Variants in SLC2A9 observed in about 807,000 individuals in gnomAD.
SLC2A9 encodes the protein solute carrier family 2 member 9.
Under a neutral mutation model 50.6 loss-of-function variants are expected in SLC2A9, and 39 were observed. That is an observed-to-expected ratio of 0.77 (90% CI 0.60 to 1.01). The LOEUF is 1.01. Ranked by LOEUF, SLC2A9 falls within the 50% of genes least tolerant of loss-of-function variation. The pLI is 0.00. For synonymous variants in SLC2A9, 324 were observed against 276.9 expected (o/e 1.17, Z -1.69); for missense variants, 686 against 677.6 (o/e 1.01, Z -0.14).
rs370882971 is a variant in SLC2A9, at chr4:9,905,176, G to T, written c.1113+3059C>A. On this transcript the variant is annotated intron_variant, in intron 8 of 11. Transcript: ENST00000264784. ...CTGTGGAATGGATGAATGCATGCCT[G>T]CATGAAAGAATCCACCACCCAAGCT... is the stretch of plus-strand genomic sequence containing the variant. 2.0e-4 allele frequency among the ~76,000 whole-genome samples: 30 copies of T among 152,374 alleles called. No homozygotes were observed. In the South Asian group the frequency reaches 6.2e-3, roughly 32 times the overall value.
intron 10 of SLC2A9, among the ~76,000 whole-genome samples, chr4:9,849,531 G>A (rs1404420411): frequency 6.6e-6 from 1 of 152,142 alleles, no homozygotes; most frequent in Admixed American, 6.5e-5. Flanking sequence ...TTCTTCCAGT[G>A]GGATTTAAAA....
chr4:9,874,816 G>T (rs1161178253), intron 10 of SLC2A9, among the ~76,000 whole-genome samples: 1 of 152,186 alleles, frequency 6.6e-6, no homozygotes, highest in Non-Finnish European at 1.5e-5. Flanking sequence ...AATGTGGGAC[G>T]CTGTGTCTTT....
chr4:9,950,195 C>T (rs11723439), intron 5 of SLC2A9, among the ~76,000 whole-genome samples: 25,178 of 152,168 alleles, frequency 0.17, 2,336 homozygotes, highest in Admixed American at 0.23. Context: ...ATTTTTGGTG[C>T]GCATTCATGC....
At chr4:9,827,411 T>C (rs747927189) in intron 11 of SLC2A9, among the ~76,000 whole-genome samples, 17 of 152,246 alleles carry the variant, frequency 1.1e-4, no homozygotes, top group Non-Finnish European at 1.8e-4. Flanking sequence ...GCTGTCAGGA[T>C]TGTGACTATT....
At chr4:9,983,977 C>T (rs1756305500) in intron 4 of SLC2A9, among the ~76,000 whole-genome samples, 1 of 152,166 alleles carries the variant, frequency 6.6e-6, no homozygotes, top group Non-Finnish European at 1.5e-5. Context: ...CATGAGAAAA[C>T]AGTCTTTCAT....
At chr4:9,851,963 C>T (rs1454285818) in intron 10 of SLC2A9, among the ~76,000 whole-genome samples, 2 of 152,116 alleles carry the variant, frequency 1.3e-5, no homozygotes, top group African/African-American at 4.8e-5. Context: ...TCTCTGAAAG[C>T]AAGGGAGAGA....
intron 3 of SLC2A9, among the ~76,000 whole-genome samples, chr4:9,808,047 G>A (rs1002427005): frequency 2.0e-5 from 3 of 152,316 alleles, no homozygotes; most frequent in East Asian, 3.9e-4. Flanking sequence ...CACTGCCATC[G>A]TGGAAGCCCC....
intron 7 of SLC2A9, among the ~76,000 whole-genome samples, chr4:9,909,797 G>C (rs1379849537): frequency 6.6e-6 from 1 of 152,170 alleles, no homozygotes; most frequent in African/African-American, 2.4e-5. Context: ...AATTCTGATG[G>C]GGACACCCCC....
chr4:9,922,584 T>C (rs1036748744), intron 6 of SLC2A9, among the ~76,000 whole-genome samples: 2 of 152,320 alleles, frequency 1.3e-5, no homozygotes, highest in South Asian at 2.1e-4. Flanking sequence ...CCCCAGCCTA[T>C]GAATGAGCAA....
downstream of SLC2A9, among the ~76,000 whole-genome samples, chr4:9,825,895 T>A (rs1390293167): frequency 2.0e-5 from 3 of 152,180 alleles, no homozygotes; most frequent in African/African-American, 7.2e-5. Context: ...AAAGCCTATA[T>A]CAGGGATGGA....
At chr4:9,985,046 C>CT (rs1178191667) in intron 4 of SLC2A9, among the ~76,000 whole-genome samples, 1 of 152,154 alleles carries the variant, frequency 6.6e-6, no homozygotes, top group East Asian at 1.9e-4. Flanking sequence ...CCCTTGGCTC[C>CT]TCTGGTCTCT....
At chr4:9,815,711 T>C (rs1723487601) in intron 3 of SLC2A9, among the ~76,000 whole-genome samples, 1 of 152,218 alleles carries the variant, frequency 6.6e-6, no homozygotes, top group African/African-American at 2.4e-5. Flanking sequence ...GGATTAAAAG[T>C]CAGCCATCTT....
intron 7 of SLC2A9, among the ~76,000 whole-genome samples, chr4:9,918,613 A>T (rs1743335697): frequency 6.6e-6 from 1 of 152,192 alleles, no homozygotes; most frequent in Non-Finnish European, 1.5e-5. Flanking sequence ...CCTAACTCAC[A>T]GGGCAGCCAT....
chr4:9,782,742 T>G (rs779016278), intron 3 of SLC2A9: 17 of 1,613,836 alleles, frequency 1.1e-5, no homozygotes, highest in South Asian at 9.9e-5. Context: ...TACATCCCCG[T>G]TGCCATCATG....
rs551781310 is a variant in SLC2A9 at position 9,802,799 on chromosome 4, G to A, written n.421-3558C>T. Reference sequence around the variant, plus strand: ...GCTGGTCTCAAACTCCTTACCTCAGGTGAATCCACCTGCCTTGGCCTCCCA... The same window carrying A: ...GCTGGTCTCAAACTCCTTACCTCAGATGAATCCACCTGCCTTGGCCTCCCA... On this transcript the variant is annotated intron_variant and non_coding_transcript_variant, in intron 3 of 3. Coordinates refer to the SLC2A9 transcript ENST00000503280. Among the ~76,000 whole-genome samples, 8 of 152,216 alleles carry A rather than the reference G, an allele frequency of 5.3e-5. No homozygotes were observed. The East Asian group carries it at 1.6e-3, about 30-fold the overall frequency.
chr4:9,859,249 C>CTGA (rs1731227377), intron 10 of SLC2A9, among the ~76,000 whole-genome samples: 4 of 152,168 alleles, frequency 2.6e-5, no homozygotes, highest in African/African-American at 7.2e-5. Context: ...TCTAAAGAAC[C>CTGA]CTATTATAGG....
In SLC2A9 at chr4:10,005,765, G is replaced by A. The variant is rs141460599; in HGVS notation, c.250-8824C>T. ...TGCTTGCATCACTGAGTCTTTCTGT[G>A]GCCTTGGGTGATCTTAAGCAATCTG... On this transcript the variant is annotated intron_variant, in intron 2 of 11. Transcript: ENST00000264784. Among the ~76,000 whole-genome samples the A allele has an allele frequency of 8.1e-4, 123 of 152,318 alleles. No individual in the cohort carries two copies. The Middle Eastern group carries it at 0.02, about 25-fold the overall frequency.
intron 10 of SLC2A9, among the ~76,000 whole-genome samples, chr4:9,845,016 T>C (rs1728718019): frequency 6.8e-6 from 1 of 147,774 alleles, no homozygotes. Context: ...CTAGAAAAAG[T>C]TCAATTTTTT....
At chr4:10,025,938 T>A, upstream of SLC2A9, 2 of 1,614,168 alleles carry the variant, frequency 1.2e-6, no homozygotes, top group Non-Finnish European at 1.7e-6. Flanking sequence ...TTCTTCATCT[T>A]CTCCTCGGTC....
Sources: allele counts gnomAD v4.1 joint callset (sites outside exome capture counted in the v4.1 genomes callset), GRCh38; gene constraint gnomAD v4.1.1; transcripts MANE v1.5; gene names NCBI Gene and HGNC (gene_info 2026-07-23, HGNC 2026-07-21).